The following FOXN3 variants were observed in gnomAD, a reference collection of about 807,000 sequenced individuals.
The protein encoded by FOXN3 is forkhead box N3.
A neutral mutation model predicts 38.4 loss-of-function variants in FOXN3; 7 were observed. That is an observed-to-expected ratio of 0.18 (90% CI 0.10 to 0.34). The LOEUF is 0.34. FOXN3 is among the 10% of genes least tolerant of loss of function. FOXN3 has a pLI of 1.00. For synonymous variants in FOXN3, 230 were observed against 242.2 expected, an observed-to-expected ratio of 0.95 and a Z score of 0.47; for missense variants, 456 against 613.4, an observed-to-expected ratio of 0.74 and a Z score of 2.71.
At chr14:89,276,377 G>C (rs1047437622) in intron 4 of FOXN3, among the ~76,000 whole-genome samples, 3 of 152,222 alleles carry the variant, frequency 2.0e-5, no homozygotes, top group African/African-American at 2.4e-5. Flanking sequence ...TAGGGACACA[G>C]AGTTGATAAT....
chr14:89,521,358 TAGAGAGAGAG>T (rs199686142), intron 1 of FOXN3, among the ~76,000 whole-genome samples: 1 of 124,968 alleles, frequency 8.0e-6, no homozygotes, highest in Non-Finnish European at 1.8e-5. Context: ...AGATGATAGA[TAGAGAGAGAG>T]AGAGAGAGAG....
intron 1 of FOXN3, among the ~76,000 whole-genome samples, chr14:89,612,825 T>TAAA (rs1197955295): frequency 7.3e-6 from 1 of 137,186 alleles, no homozygotes. Context: ...AGACCCTGCT[T>TAAA]AAAAAAAAAA....
chr14:89,356,481 AGAT>A (rs1889232111), intron 2 of FOXN3: 1 of 152,238 alleles, frequency 6.6e-6, no homozygotes, highest in South Asian at 2.1e-4. Context: ...CTTATTATGC[AGAT>A]GATATTTACA....
At chr14:89,252,292 C>T (rs1885482113) in intron 4 of FOXN3, among the ~76,000 whole-genome samples, 1 of 152,302 alleles carries the variant, frequency 6.6e-6, no homozygotes, top group African/African-American at 2.4e-5. Flanking sequence ...ACCCCTGGTA[C>T]ACAGATGGGT....
At chr14:89,316,180 A>T (rs1050678896) in intron 3 of FOXN3, among the ~76,000 whole-genome samples, 2 of 152,138 alleles carry the variant, frequency 1.3e-5, no homozygotes, top group Non-Finnish European at 2.9e-5. Flanking sequence ...GTTGCTGGGA[A>T]CCCTTCTGCC....
intron 3 of FOXN3, among the ~76,000 whole-genome samples, chr14:89,318,964 G>A (rs1180967585): frequency 1.3e-5 from 2 of 152,258 alleles, no homozygotes; most frequent in African/African-American, 4.8e-5. Flanking sequence ...CTATTGCAGG[G>A]AGTGTGAAGA....
At chr14:89,303,744 A>G (rs1043959530) in intron 3 of FOXN3, among the ~76,000 whole-genome samples, 9 of 152,250 alleles carry the variant, frequency 5.9e-5, no homozygotes, top group African/African-American at 2.2e-4. Context: ...CAATACAAAC[A>G]CTTCAAAAGT....
At chr14:89,280,191 T>C (rs757621314) in intron 4 of FOXN3, among the ~76,000 whole-genome samples, 7 of 152,098 alleles carry the variant, frequency 4.6e-5, no homozygotes, top group Non-Finnish European at 1.0e-4. Context: ...AGAACAGATA[T>C]CCAAAATAGC....
chr14:89,225,103 T>C (rs1884590732), intron 4 of FOXN3, among the ~76,000 whole-genome samples: 1 of 132,118 alleles, frequency 7.6e-6, no homozygotes, highest in South Asian at 2.4e-4. Context: ...CACTCCAGCC[T>C]GGCGACAGAG....
chr14:89,391,640 G>C (rs955739273), intron 2 of FOXN3, among the ~76,000 whole-genome samples: 1 of 152,136 alleles, frequency 6.6e-6, no homozygotes, highest in Non-Finnish European at 1.5e-5. Flanking sequence ...AAAAATAAGC[G>C]ACAGTCCCCA....
chr14:89,412,321 C>G lies in FOXN3; in HGVS notation c.156G>C (p.Glu52Asp). ...DFSLPDIRLE[E>D]GAMEDEELTN... ...TCAGCTCTTCATCTTCCATGGCCCCCTCTTCTAATCGGATGTCAGGCAGAG... is the reference window on the plus strand; with the variant it reads ...TCAGCTCTTCATCTTCCATGGCCCCGTCTTCTAATCGGATGTCAGGCAGAG... The change falls in exon 2 of 6, where the codon GAG becomes GAC. Residue 52 changes from glutamate (E) to aspartate (D), a missense_variant. Glu to Asp is a conservative substitution (Grantham distance 45). Transcript: ENST00000557258. This position sits in a 1 kb window ranked among gnomAD's most constrained non-coding sequence, Gnocchi z 4.7. 1 of 1,614,152 alleles carries G rather than the reference C, an allele frequency of 6.2e-7. No individual in the cohort carries two copies.
rs956624289 is a variant in FOXN3 at position 89,360,126 on chromosome 14, C to A, written c.544-9318G>T. Among the ~76,000 whole-genome samples, 90 of 152,120 alleles carry A rather than the reference C, an allele frequency of 5.9e-4. 1 individual carries two copies. Among genetic ancestry groups the A allele is most frequent in the Admixed American group, 5.9e-3 (90 of 15,274 alleles). On this transcript the variant is annotated intron_variant, in intron 2 of 5. Coordinates refer to ENST00000557258, the MANE Select transcript of FOXN3 (RefSeq NM_005197.4). ...TGAGTGCCCAGTTAATTCCCCGGGG[C>A]CCCTGCACACTGGCCTTGCGTTTCT... is the stretch of plus-strand genomic sequence containing the variant.
At chr14:89,314,394 T>C (rs1357896282) in intron 3 of FOXN3, among the ~76,000 whole-genome samples, 1 of 151,232 alleles carries the variant, frequency 6.6e-6, no homozygotes, top group Non-Finnish European at 1.5e-5. Flanking sequence ...TGTTTACTTG[T>C]TTTTAATAGT....
chr14:89,502,932 G>A (rs1303965662), intron 1 of FOXN3, among the ~76,000 whole-genome samples: 3 of 152,188 alleles, frequency 2.0e-5, no homozygotes, highest in Non-Finnish European at 4.4e-5. Context: ...CTCTGCAGCT[G>A]AGGAAAACCA....
At chr14:89,506,439 C>G (rs1893939041) in intron 1 of FOXN3, among the ~76,000 whole-genome samples, 1 of 145,690 alleles carries the variant, frequency 6.9e-6, no homozygotes, top group African/African-American at 2.6e-5. Context: ...GCTGCCCCGA[C>G]CGGGAGGGAG....
At chr14:89,367,745 G>C (rs529895060) in intron 2 of FOXN3, among the ~76,000 whole-genome samples, 1 of 152,292 alleles carries the variant, frequency 6.6e-6, no homozygotes, top group South Asian at 2.1e-4. Flanking sequence ...TGGGAACAGT[G>C]GCAGCAACCA....
chr14:89,480,689 G>A (rs1893308386), intron 1 of FOXN3, among the ~76,000 whole-genome samples: 1 of 152,074 alleles, frequency 6.6e-6, no homozygotes, highest in South Asian at 2.1e-4. Context: ...ATCATTATTA[G>A]AATGTTTTAT....
intron 3 of FOXN3, among the ~76,000 whole-genome samples, chr14:89,331,494 A>G (rs1007324355): frequency 1.3e-5 from 2 of 152,046 alleles, no homozygotes; most frequent in Admixed American, 6.6e-5. Context: ...TGCTTTTTAA[A>G]CAGGATGGTC....
chr14:89,170,567 C>A (rs545930232), intron 5 of FOXN3, among the ~76,000 whole-genome samples: 4 of 152,154 alleles, frequency 2.6e-5, no homozygotes, highest in Non-Finnish European at 5.9e-5. Context: ...TGAGCCACCA[C>A]GCCTGGCTGA....
Sources: gnomAD v4.1 joint callset for allele counts (sites outside exome capture counted in the v4.1 genomes callset) on GRCh38, gnomAD v4.1.1 for gene constraint, Gnocchi (gnomAD v3.1) non-coding constraint, MANE v1.5 for transcripts, NCBI Gene and HGNC (gene_info 2026-07-23, HGNC 2026-07-21) for gene names.